The following ERC1 variants were observed in gnomAD, a reference collection of about 807,000 sequenced individuals.
ERC1 encodes RAB6 interacting protein 2.
A neutral mutation model predicts 132.0 loss-of-function variants in ERC1; 56 were observed. The ratio of observed to expected loss-of-function variants is 0.42; its 90% CI spans 0.34 to 0.53. The LOEUF is 0.53. Among genes scored for constraint, ERC1 ranks in the 20% least tolerant of loss-of-function variants. ERC1 has a pLI of 0.03. For synonymous variants in ERC1, 478 were observed against 476.1 expected (o/e 1.00, Z -0.05); for missense variants, 1,202 against 1,349.9 (o/e 0.89, Z 1.72).
intron 2 of ERC1, among the ~76,000 whole-genome samples, chr12:1,041,118 T>C (rs1970137607): frequency 6.6e-6 from 1 of 152,164 alleles, no homozygotes; most frequent in Admixed American, 6.5e-5. Flanking sequence ...AAAAAAATAA[T>C]ATTTATTAGT....
chr12:1,021,935 C>CTAA (rs1167331211), intron 1 of ERC1, among the ~76,000 whole-genome samples: 2 of 152,170 alleles, frequency 1.3e-5, no homozygotes, highest in African/African-American at 4.8e-5. Flanking sequence ...TGGTCATAGG[C>CTAA]TAATGTATTA....
intron 1 of ERC1, among the ~76,000 whole-genome samples, chr12:999,374 A>T (rs1961674952): frequency 6.6e-6 from 1 of 152,192 alleles, no homozygotes; most frequent in Non-Finnish European, 1.5e-5. Flanking sequence ...CACATCCAGA[A>T]CGGAATGTAT....
upstream of ERC1, chr12:991,102 C>A (rs1402360377): frequency 6.6e-6 from 1 of 151,418 alleles, no homozygotes; most frequent in African/African-American, 2.4e-5. Context: ...CGTCACGCTC[C>A]CGGGAGGCTG....
intron 7 of ERC1, among the ~76,000 whole-genome samples, chr12:1,138,251 G>T (rs1949532088): frequency 8.0e-6 from 1 of 124,924 alleles, no homozygotes; most frequent in Admixed American, 9.1e-5. Flanking sequence ...TACAATATAT[G>T]ATATATATTA....
Position 1,320,917 on chromosome 12 carries a change from G to A in ERC1, c.2780+30905G>A, listed in dbSNP as rs191043921. Among the ~76,000 whole-genome samples, 67 of 152,294 alleles carry A rather than the reference G, an allele frequency of 4.4e-4. No individual in the cohort carries two copies. The East Asian group carries it at 9.6e-3, about 22-fold the overall frequency. On this transcript the variant is annotated intron_variant, in intron 15 of 18. Coordinates refer to ENST00000360905, the MANE Select transcript of ERC1 (RefSeq NM_178040.4). ...GGGGTTTCACCGTGTTAGCCAGGAT[G>A]GTCTTGATCTCCTGACCTCGTGATC...
chr12:1,428,544 C>T (rs774518507), intron 17 of ERC1, among the ~76,000 whole-genome samples: 1 of 152,088 alleles, frequency 6.6e-6, no homozygotes, highest in Non-Finnish European at 1.5e-5. Flanking sequence ...AGTTAGCCTA[C>T]GACTTGACCT....
intron 3 of ERC1, among the ~76,000 whole-genome samples, chr12:1,104,457 C>T (rs1011492269): frequency 4.6e-5 from 7 of 152,198 alleles, no homozygotes; most frequent in African/African-American, 1.7e-4. Context: ...GATTGACACA[C>T]AACCTGAGGA....
At chr12:1,095,489 TA>T (rs763926662) in intron 3 of ERC1, among the ~76,000 whole-genome samples, 1 of 151,994 alleles carries the variant, frequency 6.6e-6, no homozygotes, top group Non-Finnish European at 1.5e-5. Flanking sequence ...AAAATGAACA[TA>T]TTTTTTATGG....
intron 4 of ERC1, among the ~76,000 whole-genome samples, chr12:1,106,335 C>T (rs948743189): frequency 2.6e-5 from 4 of 152,170 alleles, no homozygotes; most frequent in Non-Finnish European, 5.9e-5. Flanking sequence ...TAGTTAGGGA[C>T]CTCCCCCCAC....
intron 15 of ERC1, among the ~76,000 whole-genome samples, chr12:1,358,966 A>G (rs1226695143): frequency 6.6e-6 from 1 of 152,220 alleles, no homozygotes; most frequent in African/African-American, 2.4e-5. Flanking sequence ...ATCGACAAAG[A>G]TAAGAGTTTG....
chr12:1,352,078 CAG>C (rs1428896141), intron 15 of ERC1, among the ~76,000 whole-genome samples: 1 of 152,128 alleles, frequency 6.6e-6, no homozygotes, highest in Non-Finnish European at 1.5e-5. Flanking sequence ...CAATTCTCCC[CAG>C]AGTTTCAAGA....
intron 2 of ERC1, among the ~76,000 whole-genome samples, chr12:1,057,610 T>C (rs10848430): frequency 0.038 from 2,046 of 53,174 alleles, 11 homozygotes; most frequent in African/African-American, 0.065. Context: ...TTTTTTTTTT[T>C]CCTTGAGGTG....
intron 1 of ERC1, among the ~76,000 whole-genome samples, chr12:1,006,772 C>T (rs546984457): frequency 1.3e-5 from 2 of 152,136 alleles, no homozygotes; most frequent in South Asian, 4.1e-4. Context: ...GATCTTCTGT[C>T]TTGGCCTCCG....
chr12:1,391,268 G>A (rs1336094905), intron 16 of ERC1: 3 of 152,216 alleles, frequency 2.0e-5, no homozygotes, highest in Admixed American at 6.5e-5. Context: ...CCCAGTGGAG[G>A]TAGAAGTCCA....
intron 16 of ERC1, among the ~76,000 whole-genome samples, chr12:1,387,602 G>A (rs545710836): frequency 1.3e-5 from 2 of 152,188 alleles, no homozygotes; most frequent in African/African-American, 2.4e-5. Flanking sequence ...AGATACAGAA[G>A]ATAAGGTGAT....
chr12:1,174,430 AT>A (rs1953458675), intron 8 of ERC1, among the ~76,000 whole-genome samples: 4 of 152,242 alleles, frequency 2.6e-5, no homozygotes, highest in Admixed American at 2.6e-4. Context: ...AGAGTGGGTA[AT>A]TGAAAAAGAA....
chr12:1,440,318 C>T (rs766445920), intron 17 of ERC1, among the ~76,000 whole-genome samples: 7 of 147,148 alleles, frequency 4.8e-5, no homozygotes, highest in East Asian at 2.0e-4. Flanking sequence ...CATTCTCCTG[C>T]CTCAGCCTCC....
intron 8 of ERC1, among the ~76,000 whole-genome samples, chr12:1,157,601 C>T (rs1951523891): frequency 6.6e-6 from 1 of 152,092 alleles, no homozygotes; most frequent in Non-Finnish European, 1.5e-5. Flanking sequence ...TTTATTTTTG[C>T]AGGAATTTCT....
chr12:1,484,637 G>A (rs1364353789), intron 18 of ERC1, among the ~76,000 whole-genome samples: 2 of 149,708 alleles, frequency 1.3e-5, no homozygotes, highest in Non-Finnish European at 3.0e-5. Context: ...GAGTGCAGTG[G>A]CGTGATCTCG....
Sources: allele counts gnomAD v4.1 joint callset (sites outside exome capture counted in the v4.1 genomes callset), GRCh38; gene constraint gnomAD v4.1.1; transcripts MANE v1.5; gene names NCBI Gene and HGNC (gene_info 2026-07-23, HGNC 2026-07-21).